MED14: variants seen among roughly 807,000 people sequenced by gnomAD.
MED14 encodes mediator complex subunit 14, also known as mediator of RNA polymerase II transcription subunit 14.
Under a neutral mutation model 109.0 loss-of-function variants are expected in MED14, and 8 were observed. That is an observed-to-expected ratio of 0.07 (90% CI 0.04 to 0.13). The LOEUF (loss-of-function observed/expected upper bound fraction) is 0.13, where lower values mean the gene tolerates loss of function less well. Ranked by LOEUF, MED14 falls within the 10% of genes least tolerant of loss-of-function variation. The probability of loss-of-function intolerance (pLI) is 1.00; values close to 1 mark genes in which losing one functional copy is unlikely to be tolerated. For missense variants in MED14, 711 were observed against 1,142.4 expected (o/e 0.62, Z 5.44); for synonymous variants, 399 against 408.7 (o/e 0.98, Z 0.29).
At position 40,735,508 on chromosome X, in the gene MED14, T is replaced by C. The variant is rs1389384309; in HGVS notation, c.-96A>G. The C allele has an allele frequency of 3.6e-6, 3 of 829,582 alleles. No homozygotes were observed. The highest frequency in any genetic ancestry group is 5.2e-6 in the Non-Finnish European group (3 of 578,463). The allele number at this position is 829,582 out of a possible 1,213,427, so 68.4% of individuals were successfully genotyped here. On this transcript the variant is annotated 5_prime_UTR_variant, in exon 1 of 31. Transcript: ENST00000324817. ...CGCGCCGAAACGGGAGCGGGCAGAG[T>C]CGCCACCGCCTACCGCCGGGCCGCC... is the stretch of plus-strand genomic sequence containing the variant.
chrX:40,705,090 G>A (rs181605981), intron 10 of MED14, among the ~76,000 whole-genome samples: 1 of 111,668 alleles, frequency 9.0e-6, no homozygotes, highest in Admixed American at 9.5e-5. Flanking sequence ...GAAAAAAACA[G>A]AACAAAAAGG....
rs928391218 is a variant in MED14 at position 40,675,302 on chromosome X, C to G, written c.2940G>C (p.Glu980Asp). The G allele has an allele frequency of 8.4e-7, 1 of 1,194,482 alleles. No homozygotes were observed. The highest frequency in any genetic ancestry group is 1.1e-6 in the Non-Finnish European group (1 of 887,881). Residue 980 changes from glutamate (E) to aspartate (D), a missense_variant, in exon 22 of 31, where the codon GAG becomes GAC. Physicochemically the swap from Glu to Asp is conservative, Grantham distance 45. This residue lies in a region of MED14 where 100 missense variants were observed against 147.5 expected (regional missense o/e 0.68). Transcript: ENST00000324817. ...NQDARRRSVN[E>D]DDNPPSPIGG... ...CTATAGGAGAAGGGGGATTATCGTC[C>G]TCATTTACAGACCTTCTTCGAGCAT... is the stretch of plus-strand genomic sequence containing the variant.
intron 28 of MED14, among the ~76,000 whole-genome samples, chrX:40,658,083 C>T (rs190493730): frequency 1.1e-4 from 12 of 106,834 alleles, no homozygotes; most frequent in Admixed American, 7.0e-4. Context: ...TGTGAGCCAC[C>T]GTGCACGGCC....
rs762511191 is a variant in MED14 at position 40,712,194 on chromosome X, T to C, written c.881A>G (p.Asn294Ser). The change falls in exon 7 of 31, where the codon AAC (asparagine) becomes AGC (serine). Residue 294 changes from asparagine to serine, a missense_variant. This residue lies in a region of MED14 where 388 missense variants were observed against 517.3 expected (regional missense o/e 0.75). Coordinates refer to ENST00000324817, the MANE Select transcript of MED14 (RefSeq NM_004229.4). ...AAATTTCAGAAGGATACGTAGGCAG[T>C]TGTACATATCCTGAAGAGGTTTCTC... ...ADEKPLQDMY[N>S]CLHSFCLSLQ... 6.8e-6 allele frequency: 8 copies of C among 1,183,773 alleles called. No homozygotes were observed. Among genetic ancestry groups the C allele is most frequent in the Non-Finnish European group, 9.1e-6 (8 of 877,228 alleles).
At chrX:40,716,666 A>ATATTC (rs1278592769) in intron 3 of MED14, among the ~76,000 whole-genome samples, 2 of 111,052 alleles carry the variant, frequency 1.8e-5, no homozygotes, top group Non-Finnish European at 3.8e-5. Flanking sequence ...GAGTATATAT[A>ATATTC]TATTCAAGAG....
At chrX:40,720,075 A>C (rs1931660849) in intron 3 of MED14, among the ~76,000 whole-genome samples, 1 of 112,063 alleles carries the variant, frequency 8.9e-6, no homozygotes, top group South Asian at 3.7e-4. Flanking sequence ...ACATAAACAC[A>C]TCTGTATCTA....
At chrX:40,716,658 G>GTA (rs903010466) in intron 3 of MED14, among the ~76,000 whole-genome samples, 8 of 109,412 alleles carry the variant, frequency 7.3e-5, no homozygotes, top group East Asian at 2.8e-4. Context: ...CCACTGCTGA[G>GTA]TATATATATA....
At chrX:40,727,366 G>A (rs1308268009) in intron 2 of MED14, among the ~76,000 whole-genome samples, 2 of 111,655 alleles carry the variant, frequency 1.8e-5, no homozygotes, top group Non-Finnish European at 3.8e-5. Context: ...GAAAGATTGA[G>A]CAATTAAAGA....
intron 1 of MED14, among the ~76,000 whole-genome samples, chrX:40,730,798 T>C (rs1282091574): frequency 1.9e-5 from 2 of 106,556 alleles, no homozygotes; most frequent in African/African-American, 6.8e-5. Context: ...CAAGATTACA[T>C]GACTGAGATC....
intron 5 of MED14, 60 bp downstream of exon 5, chrX:40,713,718 C>A (rs1160924446): frequency 1.7e-6 from 2 of 1,164,484 alleles, no homozygotes; most frequent in African/African-American, 3.6e-5. Flanking sequence ...GCTGAGATTA[C>A]AGGCATGAGC....
chrX:40,712,595 T>C (rs1253022132), intron 6 of MED14, among the ~76,000 whole-genome samples: 1 of 111,567 alleles, frequency 9.0e-6, no homozygotes, highest in Non-Finnish European at 1.9e-5. Context: ...AGTGGCATGA[T>C]CATGGCTCAT....
intron 3 of MED14, among the ~76,000 whole-genome samples, chrX:40,721,669 A>G (rs1475405695): frequency 1.8e-5 from 2 of 112,300 alleles, no homozygotes; most frequent in African/African-American, 6.5e-5. Flanking sequence ...TTACCAGTGT[A>G]ACCAGTGGTT....
At chrX:40,683,793 T>C (rs1930207554) in intron 16 of MED14, among the ~76,000 whole-genome samples, 1 of 112,297 alleles carries the variant, frequency 8.9e-6, no homozygotes, top group South Asian at 3.6e-4. Flanking sequence ...CTTATTTTCA[T>C]AGAGCTTTAC....
chrX:40,650,303 CT>C lies in MED14; in HGVS notation c.*1502del. The C allele has an allele frequency of 2.7e-6, 2 of 754,003 alleles. No homozygotes were observed. Among genetic ancestry groups the C allele is most frequent in the Non-Finnish European group, 3.1e-6 (2 of 639,004 alleles). 62.1% of individuals were successfully genotyped at this position (754,003 alleles called of 1,213,427 possible). The stretch of plus-strand genomic sequence containing the variant: ...AAGAAAGGCAAAGAAGGCTTCAACT[CT>C]GATTGAAAATGAGTGGAGAATCAAA... On this transcript the variant is annotated 3_prime_UTR_variant, in exon 31 of 31. Coordinates refer to ENST00000324817, the MANE Select transcript of MED14 (RefSeq NM_004229.4).
intron 16 of MED14, among the ~76,000 whole-genome samples, chrX:40,683,864 T>C (rs1325133812): frequency 8.9e-6 from 1 of 112,283 alleles, no homozygotes; most frequent in African/African-American, 3.2e-5. Flanking sequence ...AAGAGGAATG[T>C]AGTAGCTTGG....
intron 12 of MED14, among the ~76,000 whole-genome samples, chrX:40,699,333 C>G (rs1333065807): frequency 2.7e-5 from 3 of 111,957 alleles, no homozygotes; most frequent in African/African-American, 9.7e-5. Flanking sequence ...GTGATGCTTG[C>G]AAAAGTCAGT....
chrX:40,680,223 C>T (rs1930062776), intron 20 of MED14, 90 bp from the exon 21 acceptor site: 1 of 943,845 alleles, frequency 1.1e-6, no homozygotes, highest in Admixed American at 2.8e-5. Flanking sequence ...AAAAATGAAA[C>T]AACGTCCTTC....
intron 3 of MED14, 133 bp downstream of exon 3, chrX:40,726,613 A>T (rs1931903055): frequency 2.1e-6 from 1 of 483,952 alleles, no homozygotes; most frequent in African/African-American, 2.4e-5. Context: ...AATATACATT[A>T]TCATTCAGAA....
chrX:40,669,495 C>G (rs1323247913), intron 23 of MED14, among the ~76,000 whole-genome samples: 1 of 111,812 alleles, frequency 8.9e-6, no homozygotes, highest in Non-Finnish European at 1.9e-5. Context: ...TAGGCTCATA[C>G]AGCCAACTGC....
Sources: allele counts gnomAD v4.1 joint callset (sites outside exome capture counted in the v4.1 genomes callset), GRCh38; gene constraint gnomAD v4.1.1; regional missense constraint gnomAD v4.1.1; transcripts MANE v1.5; gene names NCBI Gene and HGNC (gene_info 2026-07-23, HGNC 2026-07-21).